PARD3B: variants seen among roughly 807,000 people sequenced by gnomAD.
PARD3B encodes par-3 family cell polarity regulator beta, also known as partitioning defective 3 homolog B.
A neutral mutation model predicts 130.2 loss-of-function variants in PARD3B; 103 were observed. The observed-to-expected ratio is 0.79, with a 90% CI of 0.67 to 0.93. PARD3B has a LOEUF of 0.93. Ranked by LOEUF, PARD3B falls within the 40% of genes least tolerant of loss-of-function variation. PARD3B has a pLI of 0.00. For missense variants in PARD3B, 1,609 were observed against 1,499.2 expected, an observed-to-expected ratio of 1.07 and a Z score of -1.21; for synonymous variants, 583 against 553.2, an observed-to-expected ratio of 1.05 and a Z score of -0.76.
At chr2:205,130,302 G>C (rs144144565) in intron 10 of PARD3B, among the ~76,000 whole-genome samples, 2 of 152,190 alleles carry the variant, frequency 1.3e-5, no homozygotes, top group African/African-American at 4.8e-5. Flanking sequence ...AACTATGCTA[G>C]TTAATCAACT....
At chr2:205,228,394 C>CT (rs1284206056) in intron 15 of PARD3B, among the ~76,000 whole-genome samples, 2 of 152,130 alleles carry the variant, frequency 1.3e-5, no homozygotes, top group Non-Finnish European at 2.9e-5. Context: ...AAAAAGCGTT[C>CT]TTTTTTTCCT....
At position 204,898,636 on chromosome 2, in the gene PARD3B, AT is replaced by A. The variant is rs574387817; in HGVS notation, c.223-66513del. Among the ~76,000 whole-genome samples, 16 of 152,290 alleles carry A rather than the reference AT, an allele frequency of 1.1e-4. No homozygotes were observed. In the East Asian group the frequency reaches 3.1e-3, roughly 29 times the overall value. Reference sequence around the variant, plus strand: ...CGTTCTGTAAATATCTATTAGGTACATTTGGTCTGTAGTGAAGATTAACTCC... The same window carrying A: ...CGTTCTGTAAATATCTATTAGGTACATTGGTCTGTAGTGAAGATTAACTCC... On this transcript the variant is annotated intron_variant, in intron 2 of 22. Coordinates refer to ENST00000406610, the MANE Select transcript of PARD3B (RefSeq NM_001302769.2).
intron 2 of PARD3B, among the ~76,000 whole-genome samples, chr2:204,709,792 A>G (rs1202746113): frequency 6.6e-6 from 1 of 152,228 alleles, no homozygotes; most frequent in African/African-American, 2.4e-5. Context: ...TACAGCTTTA[A>G]GGGTCATCAC....
intron 16 of PARD3B, among the ~76,000 whole-genome samples, chr2:205,259,592 T>G (rs539583858): frequency 6.6e-6 from 1 of 152,190 alleles, no homozygotes; most frequent in Non-Finnish European, 1.5e-5. Flanking sequence ...CATGGCTTTA[T>G]ATCAATGTTT....
chr2:205,029,750 G>T (rs993425994), intron 3 of PARD3B, among the ~76,000 whole-genome samples: 12 of 152,092 alleles, frequency 7.9e-5, no homozygotes, highest in Non-Finnish European at 1.2e-4. Context: ...CTAGCATTTA[G>T]CAATCTTCAG....
intron 1 of PARD3B, among the ~76,000 whole-genome samples, chr2:204,667,200 A>G (rs1467502864): frequency 6.6e-6 from 1 of 152,194 alleles, no homozygotes; most frequent in Middle Eastern, 3.2e-3. Context: ...AGAGTTCACT[A>G]GGCTGGAATC....
chr2:204,591,987 T>A (rs1487794909), intron 1 of PARD3B, among the ~76,000 whole-genome samples: 1 of 152,252 alleles, frequency 6.6e-6, no homozygotes, highest in East Asian at 1.9e-4. Flanking sequence ...GAATAATGGA[T>A]AATTTGAATG....
chr2:204,710,554 T>C (rs1302149480), intron 2 of PARD3B, among the ~76,000 whole-genome samples: 1 of 152,244 alleles, frequency 6.6e-6, no homozygotes, highest in Non-Finnish European at 1.5e-5. Context: ...TCTTGGGCAC[T>C]CATTGGGGCT....
chr2:205,199,517 G>A (rs551237707), intron 15 of PARD3B, among the ~76,000 whole-genome samples: 3 of 151,652 alleles, frequency 2.0e-5, no homozygotes, highest in East Asian at 3.9e-4. Flanking sequence ...ACGCACACAC[G>A]TAGTAAAAAT....
chr2:205,159,430 T>A (rs1248989763), intron 11 of PARD3B, among the ~76,000 whole-genome samples: 1 of 152,180 alleles, frequency 6.6e-6, no homozygotes, highest in Non-Finnish European at 1.5e-5. Context: ...TTTTCTAGGT[T>A]TCCAGAAAAA....
intron 3 of PARD3B, among the ~76,000 whole-genome samples, chr2:205,027,567 G>C (rs965818244): frequency 6.6e-6 from 1 of 151,634 alleles, no homozygotes; most frequent in Admixed American, 6.6e-5. Flanking sequence ...TTTTTAGTTT[G>C]GTGTAGTCCT....
intron 19 of PARD3B, among the ~76,000 whole-genome samples, chr2:205,423,554 T>G (rs1201342115): frequency 6.6e-6 from 1 of 152,138 alleles, no homozygotes; most frequent in Middle Eastern, 3.2e-3. Flanking sequence ...CAGAACAAAG[T>G]CCCATCTTAA....
At chr2:204,654,773 C>T (rs959365164) in intron 1 of PARD3B, among the ~76,000 whole-genome samples, 1 of 152,158 alleles carries the variant, frequency 6.6e-6, no homozygotes, top group African/African-American at 2.4e-5. Flanking sequence ...ATAATACTCA[C>T]TTGAATAGGA....
At chr2:205,071,984 A>C (rs1700765046) in intron 4 of PARD3B, among the ~76,000 whole-genome samples, 1 of 128,750 alleles carries the variant, frequency 7.8e-6, no homozygotes, top group Admixed American at 9.3e-5. Context: ...TCTGTGAATT[A>C]GCTTTTTTTT....
chr2:204,643,548 G>T (rs998861059), intron 1 of PARD3B, among the ~76,000 whole-genome samples: 9 of 152,140 alleles, frequency 5.9e-5, no homozygotes, highest in African/African-American at 2.2e-4. Flanking sequence ...AACGCAGGAC[G>T]GCTTTGAATG....
At chr2:205,030,900 A>G (rs762441218) in intron 3 of PARD3B, among the ~76,000 whole-genome samples, 6 of 152,122 alleles carry the variant, frequency 3.9e-5, no homozygotes, top group African/African-American at 1.4e-4. Context: ...TGTTGCTTTT[A>G]TGCTGTGCTA....
intron 1 of PARD3B, among the ~76,000 whole-genome samples, chr2:204,637,741 TTC>T (rs1203595977): frequency 6.6e-6 from 1 of 151,894 alleles, no homozygotes. Context: ...TTTTTTTTTT[TTC>T]CCTCTGTCCC....
At chr2:205,367,837 T>C (rs189933725) in intron 18 of PARD3B, among the ~76,000 whole-genome samples, 3 of 152,330 alleles carry the variant, frequency 2.0e-5, no homozygotes, top group Admixed American at 2.0e-4. Flanking sequence ...TGTGGTTAAG[T>C]TTCTGTGTTT....
At chr2:204,652,293 G>A (rs1369001993) in intron 1 of PARD3B, among the ~76,000 whole-genome samples, 5 of 152,086 alleles carry the variant, frequency 3.3e-5, no homozygotes, top group Admixed American at 2.0e-4. Context: ...GAATGCACAC[G>A]ACTGTATGCA....
Sources: gnomAD v4.1 joint callset for allele counts (sites outside exome capture counted in the v4.1 genomes callset) on GRCh38, gnomAD v4.1.1 for gene constraint, MANE v1.5 for transcripts, NCBI Gene and HGNC (gene_info 2026-07-23, HGNC 2026-07-21) for gene names.